Variants in IRS4 observed in about 807,000 individuals in gnomAD.
The protein encoded by IRS4 is 160 kDa phosphotyrosine protein.
Under a neutral mutation model 48.6 loss-of-function variants are expected in IRS4, and 15 were observed. That is an observed-to-expected ratio of 0.31 (90% CI 0.21 to 0.48). The LOEUF is 0.48. Ranked by LOEUF, IRS4 falls within the 20% of genes least tolerant of loss-of-function variation. IRS4 has a pLI of 0.99. For missense variants in IRS4, 987 were observed against 1,023.4 expected, an observed-to-expected ratio of 0.96 and a Z score of 0.49; for synonymous variants, 459 against 413.2, an observed-to-expected ratio of 1.11 and a Z score of -1.34.
chrX:108,735,931 G>T lies in IRS4; in HGVS notation c.414C>A (p.Ile138=), dbSNP rs745952711. Residue 138 remains isoleucine, a synonymous_variant, in exon 1 of 2, where the codon ATC becomes ATA. Transcript: ENST00000372129. ...CGCGCCGCGGTGGAATGAGCGGGGG[G>T]ATCGCGGCGCCAGAGGCGGCCGCCG... The part of the protein sequence containing the change: ...AAAAAASGAA[I]PPLIPPRRVI... 2.7e-5 allele frequency: 33 copies of T among 1,205,961 alleles called. No individual in the cohort carries two copies. The highest frequency in any genetic ancestry group is 2.3e-4 in the Middle Eastern group (1 of 4,360).
Position 108,736,458 on chromosome X carries a change from G to A in IRS4, c.-114C>T, listed in dbSNP as rs905340462. ...GCCCGCCCCAGCCCCCTCCTGCCTT[G>A]GCCCGCGCCCCCGCCCACTCCACTC... On this transcript the variant is annotated 5_prime_UTR_variant, in exon 1 of 2. Transcript: ENST00000372129. 30 of 1,108,453 alleles carry A rather than the reference G, an allele frequency of 2.7e-5. No individual in the cohort carries two copies. The Middle Eastern group carries it at 1.0e-3, about 38-fold the overall frequency. The allele number at this position is 1,108,453 out of a possible 1,213,427, so 91.3% of individuals were successfully genotyped here.
chrX:108,732,605 T>A lies in IRS4; in HGVS notation c.3740A>T (p.Asp1247Val). 1 of 1,211,748 alleles carries A rather than the reference T, an allele frequency of 8.3e-7. No homozygotes were observed. Among genetic ancestry groups the A allele is most frequent in the Non-Finnish European group, 1.1e-6 (1 of 895,449 alleles). The change falls in exon 1 of 2, where the codon GAT becomes GTT. Residue 1247 changes from aspartate to valine, a missense_variant. Asp to Val is a radical substitution (Grantham distance 152). Coordinates refer to ENST00000372129, the MANE Select transcript of IRS4 (RefSeq NM_001379150.1). The stretch of plus-strand genomic sequence containing the variant: ...TCTTTTGGGAGAGTCGAACTGATTA[T>A]CACGTCTGGCAAAATCCATTCTCAC... ...THVRMDFARR[D>V]NQFDSPKRE
intron 1 of IRS4, chrX:108,725,820 A>T (rs972589938): frequency 1.8e-5 from 2 of 112,414 alleles, no homozygotes; most frequent in Non-Finnish European, 3.8e-5. Context: ...AGAATGCTCA[A>T]AAGAATCTGT....
Position 108,736,025 on chromosome X carries a change from G to A in IRS4, c.320C>T (p.Ala107Val). ...GGCATTTTCGTAGTATTCCAGCCGA[G>A]CTGGGGCGTCAGCAGTCTCGAGTTT... ...VLKLETADAP[A>V]RLEYYENARK... The change falls in exon 1 of 2, where the codon GCT becomes GTT. Residue 107 changes from alanine (A) to valine (V), a missense_variant. By Grantham distance (64) the Ala-to-Val change is moderately conservative. Around this residue, in one of 4 missense-constraint regions of IRS4, gnomAD observed 173 missense variants for 208.9 expected, o/e 0.83. Coordinates refer to ENST00000372129, the MANE Select transcript of IRS4 (RefSeq NM_001379150.1). 1 of 1,210,733 alleles carries A rather than the reference G, an allele frequency of 8.3e-7. No homozygotes were observed. The highest frequency in any genetic ancestry group is 3.0e-5 in the East Asian group (1 of 33,710).
At chrX:108,725,586 T>C (rs968612292) in intron 1 of IRS4, among the ~76,000 whole-genome samples, 13 of 111,284 alleles carry the variant, frequency 1.2e-4, no homozygotes, top group African/African-American at 2.0e-4. Flanking sequence ...TAGGTTTTTT[T>C]GTTTTTTCTC....
chrX:108,725,460 C>CAAAAAA (rs397968164), intron 1 of IRS4, among the ~76,000 whole-genome samples: 1 of 59,849 alleles, frequency 1.7e-5, no homozygotes, highest in Non-Finnish European at 3.0e-5. Context: ...AGTAAAGCAC[C>CAAAAAA]AAAAAAAAAA....
chrX:108,734,689 G>C lies in IRS4; in HGVS notation c.1656C>G (p.Thr552=). ...CACCACCTGAACCGTGCCCACCTGCGGTGCCCTGGCCATCTCTAGAGCACT... is the reference window on the plus strand; with the variant it reads ...CACCACCTGAACCGTGCCCACCTGCCGTGCCCTGGCCATCTCTAGAGCACT... The part of the protein sequence containing the change: ...GNQCSRDGQG[T]AGGHGSGGGQ... The change falls in exon 1 of 2, where the codon ACC becomes ACG. Residue 552 remains threonine (T), a synonymous_variant. Transcript: ENST00000372129. 1 of 1,210,246 alleles carries C rather than the reference G, an allele frequency of 8.3e-7. No homozygotes were observed. Among genetic ancestry groups the C allele is most frequent in the Non-Finnish European group, 1.1e-6 (1 of 895,247 alleles).
At position 108,732,768 on chromosome X, in the gene IRS4, A is replaced by T. The variant is rs771526380; in HGVS notation, c.3577T>A (p.Ser1193Thr). The change falls in exon 1 of 2, where the codon TCT becomes ACT. Residue 1193 changes from serine to threonine, a missense_variant. By Grantham distance (58) the Ser-to-Thr change is moderately conservative (BLOSUM62 1). Coordinates refer to ENST00000372129, the MANE Select transcript of IRS4 (RefSeq NM_001379150.1). Reference sequence around the variant, plus strand: ...TTATCACCTCTGGCAAGGTTTGCAGATGGGTTGTGGGCTCCAGGGTTCGAG... The same window carrying T: ...TTATCACCTCTGGCAAGGTTTGCAGTTGGGTTGTGGGCTCCAGGGTTCGAG... ...GGSNPGAHNP[S>T]ANLARGDNQA... 2.5e-6 allele frequency: 3 copies of T among 1,206,671 alleles called. No homozygotes were observed. In the East Asian group the frequency reaches 8.9e-5, roughly 36 times the overall value.
chrX:108,721,817 G>T lies in IRS4; in HGVS notation c.*702C>A, dbSNP rs1041413739. The T allele has an allele frequency of 6.3e-5, 7 of 111,898 alleles. No homozygotes were observed. The highest frequency in any genetic ancestry group is 1.1e-4 in the Non-Finnish European group (6 of 53,167). The allele number at this position is 111,898 out of a possible 1,213,427, so 9.2% of individuals were successfully genotyped here. On this transcript the variant is annotated 3_prime_UTR_variant, in exon 2 of 2. Coordinates refer to ENST00000372129, the MANE Select transcript of IRS4 (RefSeq NM_001379150.1). ...GAACAAATAGCTGTTTCTCAGTTCT[G>T]CCTTTAAAATGTTGGAAATGCTCAA... is the stretch of plus-strand genomic sequence containing the variant.
intron 1 of IRS4, among the ~76,000 whole-genome samples, chrX:108,725,434 TA>T (rs2068869792): frequency 1.4e-5 from 1 of 70,034 alleles, no homozygotes; most frequent in African/African-American, 6.5e-5. Flanking sequence ...GGAGCTCACA[TA>T]AGCAGGGGCA....
chrX:108,735,712 C>A lies in IRS4; in HGVS notation c.633G>T (p.Ala211=). The A allele has an allele frequency of 1.7e-6, 2 of 1,177,603 alleles. No homozygotes were observed. The highest frequency in any genetic ancestry group is 1.1e-6 in the Non-Finnish European group (1 of 879,287). The stretch of plus-strand genomic sequence containing the variant: ...GCGCGGCCGGCTCTCCGTCCGGCTG[C>A]GCGCCGAGCGTGCCGCAGCGGCGGC... ...SKRRRCGTLG[A]QPDGEPAALA... The change falls in exon 1 of 2, where the codon GCG becomes GCT. Residue 211 remains alanine (A), a synonymous_variant. Coordinates refer to ENST00000372129, the MANE Select transcript of IRS4 (RefSeq NM_001379150.1).
rs2068925409 is a variant in IRS4, at chrX:108,733,769, G to A, written c.2576C>T (p.Ser859Leu). Residue 859 changes from serine to leucine, a missense_variant, in exon 1 of 2, where the codon TCA becomes TTA. Ser to Leu is a moderately radical substitution (Grantham distance 145). Transcript: ENST00000372129. ...WDPKDAASKPSGEGSFSKPGD... is the reference protein window; with the variant it reads ...WDPKDAASKPLGEGSFSKPGD... ...AGGCTTTGAGAATGATCCCTCACCTGAAGGCTTTGAAGCTGCATCTTTGGG... is the reference window on the plus strand; with the variant it reads ...AGGCTTTGAGAATGATCCCTCACCTAAAGGCTTTGAAGCTGCATCTTTGGG... 2 of 1,211,829 alleles carry A rather than the reference G, an allele frequency of 1.7e-6. No homozygotes were observed. Among genetic ancestry groups the A allele is most frequent in the Non-Finnish European group, 2.2e-6 (2 of 895,508 alleles).
chrX:108,729,387 C>G (rs1329143265), intron 1 of IRS4, among the ~76,000 whole-genome samples: 1 of 109,355 alleles, frequency 9.1e-6, no homozygotes, highest in Non-Finnish European at 1.9e-5. Flanking sequence ...TTTATATCCT[C>G]CCATCTCTTG....
In IRS4 at chrX:108,733,110, C is replaced by A; in HGVS notation, c.3235G>T (p.Glu1079Ter). 8.3e-7 allele frequency: 1 copy of A among 1,211,564 alleles called. No homozygotes were observed. Among genetic ancestry groups the A allele is most frequent in the Non-Finnish European group, 1.1e-6 (1 of 895,288 alleles). The part of the protein sequence containing the change: ...PPVARLLQEE[E>*]QERRRPQSRS... The stretch of plus-strand genomic sequence containing the variant: ...CTTTGTGGGCGTCTTCTCTCCTGCT[C>A]TTCTTCCTGCAGCAGCCTAGCTACA... The change falls in exon 1 of 2, where the codon GAG becomes TAG. Residue 1079 changes from glutamate (E) to a stop codon, truncating the protein, a stop_gained. Transcript: ENST00000372129. LOFTEE classifies it high-confidence loss of function.
Position 108,733,706 on chromosome X carries a change from T to C in IRS4, c.2639A>G (p.Glu880Gly), listed in dbSNP as rs181517892. Residue 880 changes from glutamate to glycine, a missense_variant, in exon 1 of 2, where the codon GAG (glutamate) becomes GGG (glycine). Physicochemically the swap from Glu to Gly is moderately conservative, Grantham distance 98. This residue lies in a region of IRS4 where 720 missense variants were observed against 660.3 expected (regional missense o/e 1.09). Coordinates refer to ENST00000372129, the MANE Select transcript of IRS4 (RefSeq NM_001379150.1). ...GGSPSKPSDH[E>G]PPKNKAKRPN... ...TCTCTTAGCTTTATTCTTTGGGGGCTCATGATCTGAAGGCTTTGAAGGTGA... is the reference window on the plus strand; with the variant it reads ...TCTCTTAGCTTTATTCTTTGGGGGCCCATGATCTGAAGGCTTTGAAGGTGA... 22 of 1,209,926 alleles carry C rather than the reference T, an allele frequency of 1.8e-5. No individual in the cohort carries two copies. In the Admixed American group the frequency reaches 3.1e-4, roughly 17 times the overall value.
At position 108,735,314 on chromosome X, in the gene IRS4, C is replaced by T; in HGVS notation, c.1031G>A (p.Ser344Asn). Reference sequence around the variant, plus strand: ...TAACAGGTGGGCGCCGATGCTGATGCTGTAGCTGCGGCAGCGGGCTCTGTA... The same window carrying T: ...TAACAGGTGGGCGCCGATGCTGATGTTGTAGCTGCGGCAGCGGGCTCTGTA... ...DEYRARCRSY[S>N]ISIGAHLLTL... The change falls in exon 1 of 2, where the codon AGC becomes AAC. Residue 344 changes from serine to asparagine, a missense_variant. Ser to Asn is a conservative substitution (Grantham distance 46). This residue lies in a region of IRS4 where 74 missense variants were observed against 100.4 expected (regional missense o/e 0.74). Transcript: ENST00000372129. The T allele has an allele frequency of 8.3e-7, 1 of 1,211,555 alleles. No homozygotes were observed.
At chrX:108,730,338 C>T (rs1007967869) in intron 1 of IRS4, among the ~76,000 whole-genome samples, 1 of 104,016 alleles carries the variant, frequency 9.6e-6, no homozygotes, top group Admixed American at 1.1e-4. Context: ...CCCCCGCACC[C>T]CCCCGCCGGC....
In IRS4 at chrX:108,733,035, G is replaced by C; in HGVS notation, c.3310C>G (p.Pro1104Ala). 1 of 1,211,652 alleles carries C rather than the reference G, an allele frequency of 8.3e-7. No individual in the cohort carries two copies. The highest frequency in any genetic ancestry group is 3.0e-5 in the East Asian group (1 of 33,827). Residue 1104 changes from proline (P) to alanine (A), a missense_variant, in exon 1 of 2, where the codon CCA becomes GCA. Physicochemically the swap from Pro to Ala is conservative, Grantham distance 27. Transcript: ENST00000372129. ...AAARAAVSAFPTDSLERDLSP... is the reference protein window; with the variant it reads ...AAARAAVSAFATDSLERDLSP... Reference sequence around the variant, plus strand: ...AGGTCTCTCTCGAGGCTGTCTGTTGGAAAAGCAGAGACAGCGGCTCTGGCT... The same window carrying C: ...AGGTCTCTCTCGAGGCTGTCTGTTGCAAAAGCAGAGACAGCGGCTCTGGCT...
chrX:108,733,411 A>G lies in IRS4; in HGVS notation c.2934T>C (p.Leu978=), dbSNP rs760319129. Reference sequence around the variant, plus strand: ...GGTTGGCACGTGGTATAGCTCTTAAAAGATCTGAGAGGTCGTTTGCTGGAT... The same window carrying G: ...GGTTGGCACGTGGTATAGCTCTTAAGAGATCTGAGAGGTCGTTTGCTGGAT... ...FPNPANDLSD[L]LRAIPRANPL... is the part of the protein sequence containing the mutation. The change falls in exon 1 of 2, where the codon CTT becomes CTC. Residue 978 remains leucine, a synonymous_variant. Transcript: ENST00000372129. The G allele has an allele frequency of 5.0e-6, 6 of 1,209,944 alleles. No individual in the cohort carries two copies. Among genetic ancestry groups the G allele is most frequent in the Non-Finnish European group, 6.7e-6 (6 of 895,183 alleles).
Sources: allele counts gnomAD v4.1 joint callset (sites outside exome capture counted in the v4.1 genomes callset), GRCh38; gene constraint gnomAD v4.1.1; regional missense constraint gnomAD v4.1.1; transcripts MANE v1.5; gene names NCBI Gene and HGNC (gene_info 2026-07-23, HGNC 2026-07-21).